The following NEGR1 variants were observed in gnomAD, a reference collection of about 807,000 sequenced individuals.
NEGR1 encodes IgLON family member 4.
Under a neutral mutation model 40.9 loss-of-function variants are expected in NEGR1, and 10 were observed. The observed-to-expected ratio is 0.24, with a 90% confidence interval of 0.15 to 0.42. NEGR1 has a LOEUF of 0.42. Among genes scored for constraint, NEGR1 ranks in the 10% least tolerant of loss-of-function variants. The probability of loss-of-function intolerance (pLI) is 1.00; values close to 1 mark genes in which losing one functional copy is unlikely to be tolerated. For synonymous variants in NEGR1, 185 were observed against 166.8 expected, an observed-to-expected ratio of 1.11 and a Z score of -0.84; for missense variants, 352 against 438.9, an observed-to-expected ratio of 0.80 and a Z score of 1.77.
At chr1:72,026,671 A>G (rs1434106827) in intron 1 of NEGR1, among the ~76,000 whole-genome samples, 2 of 152,104 alleles carry the variant, frequency 1.3e-5, no homozygotes. Flanking sequence ...CACCAACTGC[A>G]TAACTACAAA....
chr1:71,957,544 C>T (rs1369400903), intron 1 of NEGR1, among the ~76,000 whole-genome samples: 3 of 152,032 alleles, frequency 2.0e-5, no homozygotes, highest in Admixed American at 6.6e-5. Context: ...AGGAAAATGC[C>T]TATATTTCTG....
At chr1:71,591,132 T>C (rs1570075246) in intron 6 of NEGR1, among the ~76,000 whole-genome samples, 1 of 152,284 alleles carries the variant, frequency 6.6e-6, no homozygotes, top group African/African-American at 2.4e-5. Context: ...AGGGCTATGT[T>C]CATAATTACA....
At chr1:72,162,474 A>G (rs1651605626) in intron 1 of NEGR1, among the ~76,000 whole-genome samples, 1 of 152,030 alleles carries the variant, frequency 6.6e-6, no homozygotes, top group Admixed American at 6.6e-5. Flanking sequence ...ACAAACAAAC[A>G]AACAAACAAA....
rs1045322504 is a variant in NEGR1 at position 71,401,848 on chromosome 1, C to G, written c.*5598G>C. ...ACTTGGTGTGACCAGTCTCATACAA[C>G]CCAAGGCTGTGTGTCCAAAGGCAAC... On this transcript the variant is annotated 3_prime_UTR_variant, in exon 7 of 7. Transcript: ENST00000357731. The G allele has an allele frequency of 4.6e-5, 7 of 152,114 alleles. No homozygotes were observed. The highest frequency in any genetic ancestry group is 1.0e-4 in the Non-Finnish European group (7 of 68,028). 9.4% of individuals were successfully genotyped at this position (152,114 alleles called of 1,614,324 possible).
intron 1 of NEGR1, among the ~76,000 whole-genome samples, chr1:71,986,668 T>G: frequency 6.6e-6 from 1 of 152,068 alleles, no homozygotes; most frequent in East Asian, 1.9e-4. Context: ...AAAATAACTT[T>G]CAAGCATCTG....
At chr1:72,046,176 A>T (rs980951920) in intron 1 of NEGR1, among the ~76,000 whole-genome samples, 10 of 151,678 alleles carry the variant, frequency 6.6e-5, no homozygotes, top group African/African-American at 2.4e-4. Flanking sequence ...ACAAATATGA[A>T]TGTCCTATAA....
intron 2 of NEGR1, among the ~76,000 whole-genome samples, chr1:71,913,932 C>A (rs919808688): frequency 2.6e-5 from 4 of 151,796 alleles, no homozygotes; most frequent in Non-Finnish European, 5.9e-5. Context: ...CCCAGTATGT[C>A]TCTAATCCCT....
At chr1:72,222,587 T>A (rs1253772943) in intron 1 of NEGR1, among the ~76,000 whole-genome samples, 7 of 152,142 alleles carry the variant, frequency 4.6e-5, no homozygotes, top group Non-Finnish European at 1.5e-5. Context: ...TTAAGGAAAC[T>A]CAGCAAGCTT....
intron 1 of NEGR1, among the ~76,000 whole-genome samples, chr1:72,093,556 G>A (rs1014337142): frequency 6.6e-6 from 1 of 152,080 alleles, no homozygotes; most frequent in African/African-American, 2.4e-5. Flanking sequence ...TGTAATGTCA[G>A]GTATTTATTA....
chr1:71,543,569 G>A (rs928642825), intron 6 of NEGR1, among the ~76,000 whole-genome samples: 10 of 151,646 alleles, frequency 6.6e-5, no homozygotes, highest in African/African-American at 2.4e-4. Context: ...CATAATGTGG[G>A]AGGGCATAAT....
intron 4 of NEGR1, among the ~76,000 whole-genome samples, chr1:71,614,747 G>T (rs560180772): frequency 6.6e-6 from 1 of 152,118 alleles, no homozygotes; most frequent in Non-Finnish European, 1.5e-5. Flanking sequence ...CCGGAACATT[G>T]CCTGAAAACC....
intron 1 of NEGR1, among the ~76,000 whole-genome samples, chr1:72,130,482 T>C (rs527530480): frequency 8.5e-5 from 13 of 152,318 alleles, no homozygotes; most frequent in South Asian, 8.3e-4. Context: ...GCCCTCTGTA[T>C]GATGTCAAGT....
chr1:71,721,023 T>A (rs1032559010), intron 3 of NEGR1, among the ~76,000 whole-genome samples: 1 of 152,210 alleles, frequency 6.6e-6, no homozygotes, highest in Non-Finnish European at 1.5e-5. Context: ...AGTGTTAATT[T>A]ATTTATAGCA....
At chr1:71,791,628 G>A (rs939785466) in intron 2 of NEGR1, among the ~76,000 whole-genome samples, 2 of 152,008 alleles carry the variant, frequency 1.3e-5, no homozygotes, top group Admixed American at 1.3e-4. Flanking sequence ...CAGATATTGA[G>A]ATCATGAAGA....
intron 2 of NEGR1, among the ~76,000 whole-genome samples, chr1:71,898,124 TC>T (rs1661022363): frequency 6.6e-6 from 1 of 152,244 alleles, no homozygotes; most frequent in African/African-American, 2.4e-5. Flanking sequence ...AGTTTATCTT[TC>T]TTCTGAAATT....
intron 1 of NEGR1, among the ~76,000 whole-genome samples, chr1:72,240,610 A>G (rs1030418069): frequency 2.0e-5 from 3 of 151,910 alleles, no homozygotes; most frequent in African/African-American, 7.2e-5. Flanking sequence ...AAGTGGCCCA[A>G]TCAAAGCAAA....
At chr1:71,524,744 AGATTATCCTG>A (rs899597480) in intron 6 of NEGR1, among the ~76,000 whole-genome samples, 10 of 151,832 alleles carry the variant, frequency 6.6e-5, no homozygotes, top group African/African-American at 1.9e-4. Flanking sequence ...TAAAATAGGT[AGATTATCCTG>A]GATTATCCAA....
intron 1 of NEGR1, among the ~76,000 whole-genome samples, chr1:72,006,970 T>C (rs1646613491): frequency 6.6e-6 from 1 of 152,176 alleles, no homozygotes; most frequent in Non-Finnish European, 1.5e-5. Context: ...GTTGTTTTTG[T>C]ATGTTTTAAT....
intron 2 of NEGR1, among the ~76,000 whole-genome samples, chr1:71,864,276 A>G (rs1223034703): frequency 6.6e-6 from 1 of 152,242 alleles, no homozygotes; most frequent in African/African-American, 2.4e-5. Flanking sequence ...ACAGGCATGC[A>G]GTTCTTGGTC....
Sources: gnomAD v4.1 joint callset for allele counts (sites outside exome capture counted in the v4.1 genomes callset) on GRCh38, gnomAD v4.1.1 for gene constraint, MANE v1.5 for transcripts, NCBI Gene and HGNC (gene_info 2026-07-23, HGNC 2026-07-21) for gene names.